Variants in ATAD3A observed in about 807,000 individuals in gnomAD.
ATAD3A encodes ATPase family AAA domain containing 3A.
ATAD3A carries 46 observed loss-of-function variants against 73.8 expected under a neutral mutation model. The observed-to-expected ratio is 0.62, with a 90% CI of 0.49 to 0.80. ATAD3A has a LOEUF of 0.80. Ranked by LOEUF, ATAD3A falls within the 30% of genes least tolerant of loss-of-function variation. The probability of loss-of-function intolerance (pLI) is 0.00; values close to 1 mark genes in which losing one functional copy is unlikely to be tolerated. For synonymous variants in ATAD3A, 319 were observed against 350.0 expected, an observed-to-expected ratio of 0.91 and a Z score of 0.99; for missense variants, 705 against 838.0, an observed-to-expected ratio of 0.84 and a Z score of 1.96.
chr1:1,521,114 G>A (rs1315270010), intron 7 of ATAD3A, among the ~76,000 whole-genome samples: 4 of 151,608 alleles, frequency 2.6e-5, no homozygotes, highest in Admixed American at 6.6e-5. Flanking sequence ...TGGCTAACAC[G>A]GTGAAACCCC....
In ATAD3A at chr1:1,517,329, GAGC is replaced by G. The variant is rs1641394063; in HGVS notation, c.305_307del (p.Gln102del). 6.5e-7 allele frequency: 1 copy of G among 1,545,174 alleles called. No individual in the cohort carries two copies. The highest frequency in any genetic ancestry group is 8.7e-7 in the Non-Finnish European group (1 of 1,146,490). ...TCTGCAGGAGTATGAGGCCGCCGTGGAGCAGCTCAAGAGCGAGCAGATCCGGGC... is the reference window on the plus strand; with the variant it reads ...TCTGCAGGAGTATGAGGCCGCCGTGGAGCTCAAGAGCGAGCAGATCCGGGC... On this transcript the variant is annotated inframe_deletion, in exon 3 of 16. Transcript: ENST00000378756.
chr1:1,517,888 T>C, intron 4 of ATAD3A, 113 bp downstream of exon 4: 2 of 1,515,704 alleles, frequency 1.3e-6, no homozygotes, highest in South Asian at 1.1e-5. Flanking sequence ...TTGCTGACGG[T>C]GGGTGCTAGA....
In ATAD3A at chr1:1,523,440, G is replaced by A; in HGVS notation, c.907-71G>A. 2 of 1,573,822 alleles carry A rather than the reference G, an allele frequency of 1.3e-6. No individual in the cohort carries two copies. Among genetic ancestry groups the A allele is most frequent in the African/African-American group, 1.4e-5 (1 of 73,768 alleles). On this transcript the variant is annotated intron_variant, in intron 8 of 15. Transcript: ENST00000378756. This position sits in a 1 kb window ranked among gnomAD's most constrained non-coding sequence, Gnocchi z 5.1. ...CGTTTCTGCGTGTTACCGAGCGTGT[G>A]TGTGCGCGTTGGTGGCTGTTCCGTG...
intron 10 of ATAD3A, 119 bp downstream of exon 10, chr1:1,524,083 G>A (rs559697868): frequency 1.6e-5 from 26 of 1,581,936 alleles, no homozygotes; most frequent in South Asian, 1.4e-4. Context: ...GCCCACCCTC[G>A]TGTAGGCTCA....
At position 1,520,342 on chromosome 1, in the gene ATAD3A, G is replaced by A. The variant is rs1366469951; in HGVS notation, c.680+36G>A. 1.9e-6 allele frequency: 3 copies of A among 1,605,362 alleles called. No homozygotes were observed. Among genetic ancestry groups the A allele is most frequent in the East Asian group, 2.2e-5 (1 of 44,672 alleles). On this transcript the variant is annotated intron_variant, in intron 6 of 15. Coordinates refer to ENST00000378756, the MANE Select transcript of ATAD3A (RefSeq NM_001170535.3). The surrounding 1 kb of genome is among the most constrained non-coding windows in gnomAD (Gnocchi z 4.0). ...CCGAGGCCCGGGCCGGCCACAGATG[G>A]AGCCCCGCAGGTGTGAGTCGCTGGT...
chr1:1,518,952 A>G lies in ATAD3A; in HGVS notation c.476A>G (p.Gln159Arg), dbSNP rs769127696. The G allele has an allele frequency of 9.9e-6, 16 of 1,614,170 alleles. No homozygotes were observed. In the East Asian group the frequency reaches 3.6e-4, roughly 36 times the overall value. ...QLLNEENLRK[Q>R]EESVQKQEAM... ...CTCAATGAGGAGAATTTACGGAAGC[A>G]GGAGGAGTCCGTGCAGAAGCAGGAA... Residue 159 changes from glutamine to arginine, a missense_variant, in exon 5 of 16, where the codon CAG (glutamine) becomes CGG (arginine). Gln to Arg is a conservative substitution (Grantham distance 43, BLOSUM62 1). Transcript: ENST00000378756.
intron 4 of ATAD3A, among the ~76,000 whole-genome samples, chr1:1,518,155 A>C (rs573904860): frequency 3.8e-3 from 572 of 148,620 alleles, no homozygotes; most frequent in African/African-American, 0.013. Flanking sequence ...ACATACCCCC[A>C]CACAACACGG....
In ATAD3A at chr1:1,523,574, C is replaced by T. The variant is rs3737714; in HGVS notation, c.963+7C>T. ...GGAGGGTGTTGTGCTCAGTGTAAGT[C>T]GGTGTGCCTGGGACCGGGGAGGCGC... On this transcript the variant is annotated splice_region_variant and intron_variant, in intron 9 of 15. Coordinates refer to ENST00000378756, the MANE Select transcript of ATAD3A (RefSeq NM_001170535.3). The surrounding 1 kb of genome is among the most constrained non-coding windows in gnomAD (Gnocchi z 5.1). The T allele has an allele frequency of 0.043, 68,689 of 1,612,468 alleles. 8,182 individuals are homozygous for T. Among genetic ancestry groups the T allele is most frequent in the East Asian group, 0.32 (14,331 of 44,778 alleles).
At position 1,525,167 on chromosome 1, in the gene ATAD3A, G is replaced by T. The variant is rs1475202938; in HGVS notation, c.1215-73G>T. 5 of 1,602,456 alleles carry T rather than the reference G, an allele frequency of 3.1e-6. No individual in the cohort carries two copies. In the Admixed American group the frequency reaches 6.7e-5, roughly 21 times the overall value. Reference sequence around the variant, plus strand: ...GGATCTGCCTGCTTGGCCTGCTCCTGCCGCGGCCGGACGCTGCTGTGGGCT... The same window carrying T: ...GGATCTGCCTGCTTGGCCTGCTCCTTCCGCGGCCGGACGCTGCTGTGGGCT... On this transcript the variant is annotated intron_variant, in intron 11 of 15. Transcript: ENST00000378756.
intron 4 of ATAD3A, among the ~76,000 whole-genome samples, chr1:1,518,229 C>T (rs573334145): frequency 6.6e-6 from 1 of 151,198 alleles, no homozygotes; most frequent in Non-Finnish European, 1.5e-5. Context: ...CAGGTACGCA[C>T]ATACACCCCG....
At position 1,520,718 on chromosome 1, in the gene ATAD3A, T is replaced by C; in HGVS notation, c.750+101T>C. 6.4e-7 allele frequency: 1 copy of C among 1,561,964 alleles called. No individual in the cohort carries two copies. Among genetic ancestry groups the C allele is most frequent in the Admixed American group, 1.8e-5 (1 of 56,398 alleles). On this transcript the variant is annotated intron_variant, in intron 7 of 15. Coordinates refer to ENST00000378756, the MANE Select transcript of ATAD3A (RefSeq NM_001170535.3). This position sits in a 1 kb window ranked among gnomAD's most constrained non-coding sequence, Gnocchi z 4.0. ...TGTCCCTGCCGGCTCTGCACAGCCC[T>C]GTAGCTCTCCCAGCAGGGAGGAAGC... is the stretch of plus-strand genomic sequence containing the variant.
Position 1,534,470 on chromosome 1 carries a change from G to A in ATAD3A, c.*398G>A. On this transcript the variant is annotated 3_prime_UTR_variant, in exon 16 of 16. Coordinates refer to ENST00000378756, the MANE Select transcript of ATAD3A (RefSeq NM_001170535.3). ...CGGCTCCCACAGCAGAGCCAGGTGA[G>A]GGGGCGCCTGCCAGGGCCAGACCCA... The A allele has an allele frequency of 9.0e-7, 1 of 1,115,856 alleles. No homozygotes were observed. The highest frequency in any genetic ancestry group is 1.1e-6 in the Non-Finnish European group (1 of 872,300). The allele number at this position is 1,115,856 out of a possible 1,614,324, so 69.1% of individuals were successfully genotyped here. A position where few individuals can be genotyped will look rare whatever the true frequency, so the allele number is the denominator to read the frequency against.
chr1:1,526,989 C>T (rs1002864478), intron 13 of ATAD3A, among the ~76,000 whole-genome samples: 4 of 152,118 alleles, frequency 2.6e-5, no homozygotes, highest in South Asian at 2.1e-4. Context: ...GTCCCCCGCC[C>T]GGATGCTGGC....
intron 4 of ATAD3A, among the ~76,000 whole-genome samples, chr1:1,518,239 GCA>G (rs949137447): frequency 3.4e-5 from 5 of 146,234 alleles, no homozygotes; most frequent in African/African-American, 1.0e-4. Context: ...CATACACCCC[GCA>G]CACACACACA....
intron 1 of ATAD3A, among the ~76,000 whole-genome samples, chr1:1,514,049 G>A (rs977330240): frequency 6.6e-6 from 1 of 152,124 alleles, no homozygotes; most frequent in Non-Finnish European, 1.5e-5. Context: ...CTGGAGGAGA[G>A]CCTCGTGCCC....
At position 1,522,592 on chromosome 1, in the gene ATAD3A, C is replaced by T. The variant is rs1169672579; in HGVS notation, c.751-152C>T. ...CCTGTAACCGCGTGGCTGTGGGATT[C>T]GGGGCCGGGAATTCGCGTTCCTGTG... On this transcript the variant is annotated intron_variant, in intron 7 of 15. Coordinates refer to ENST00000378756, the MANE Select transcript of ATAD3A (RefSeq NM_001170535.3). 1.8e-5 allele frequency: 26 copies of T among 1,464,758 alleles called. 1 individual carries two copies. The highest frequency in any genetic ancestry group is 1.3e-4 in the South Asian group (9 of 71,004). The allele number at this position is 1,464,758 out of a possible 1,614,324, so 90.7% of individuals were successfully genotyped here.
rs1198808900 is a variant in ATAD3A, at chr1:1,512,238, C to T, written c.-31C>T. The T allele has an allele frequency of 4.7e-6, 6 of 1,275,566 alleles. No homozygotes were observed. The highest frequency in any genetic ancestry group is 5.0e-6 in the Non-Finnish European group (5 of 1,006,548). The allele number at this position is 1,275,566 out of a possible 1,614,324, so 79.0% of individuals were successfully genotyped here. On this transcript the variant is annotated 5_prime_UTR_variant, in exon 1 of 16. Coordinates refer to ENST00000378756, the MANE Select transcript of ATAD3A (RefSeq NM_001170535.3). ...GCGAGTCAGACTCGGGTGGGGGTCC[C>T]GGCGGCGGTAGCGGCGGCGGCGGTG...
chr1:1,527,880 C>A lies in ATAD3A; in HGVS notation c.1505+18C>A, dbSNP rs768660175. On this transcript the variant is annotated intron_variant, in intron 14 of 15. Coordinates refer to ENST00000378756, the MANE Select transcript of ATAD3A (RefSeq NM_001170535.3). The stretch of plus-strand genomic sequence containing the variant: ...GGAAAGCAGTAAGTGTCCCGCCCCA[C>A]CAGCCCCCGTCCAGGGGCCCTCGCT... 6.8e-6 allele frequency: 11 copies of A among 1,606,898 alleles called. No individual in the cohort carries two copies. The African/African-American group carries it at 1.5e-4, about 21-fold the overall frequency.
chr1:1,522,930 G>C, intron 8 of ATAD3A, 31 bp downstream of exon 8: 4 of 1,600,962 alleles, frequency 2.5e-6, no homozygotes, highest in Non-Finnish European at 1.7e-6. Context: ...CTCCCTGAGT[G>C]CAGTTCCTGG....
Sources: gnomAD v4.1 joint callset for allele counts (sites outside exome capture counted in the v4.1 genomes callset) on GRCh38, gnomAD v4.1.1 for gene constraint, Gnocchi (gnomAD v3.1) non-coding constraint, MANE v1.5 for transcripts, NCBI Gene and HGNC (gene_info 2026-07-23, HGNC 2026-07-21) for gene names.